AFF2: variants seen among roughly 807,000 people sequenced by gnomAD.
AFF2 encodes ALF transcription elongation factor 2, also known as AF4/FMR2 family member 2.
Under a neutral mutation model 76.9 loss-of-function variants are expected in AFF2, and 14 were observed. That is an observed-to-expected ratio of 0.18 (90% CI 0.12 to 0.28). AFF2 has a LOEUF of 0.28. Ranked by LOEUF, AFF2 falls within the 10% of genes least tolerant of loss-of-function variation. The probability of loss-of-function intolerance (pLI) is 1.00; values close to 1 mark genes in which losing one functional copy is unlikely to be tolerated. For synonymous variants in AFF2, 398 were observed against 366.7 expected (o/e 1.09, Z -0.98); for missense variants, 868 against 1,001.1 (o/e 0.87, Z 1.79).
chrX:148,932,676 A>AC (rs201044478), intron 9 of AFF2, among the ~76,000 whole-genome samples: 1,651 of 110,702 alleles, frequency 0.015, 31 homozygotes, highest in African/African-American at 0.05. Context: ...GAAGTACTCA[A>AC]CCCCCCTACC....
chrX:148,876,951 T>G (rs1372592), intron 7 of AFF2, among the ~76,000 whole-genome samples: 8,754 of 111,268 alleles, frequency 0.079, 427 homozygotes, highest in African/African-American at 0.18. Context: ...CAGGTTCTGT[T>G]GAGGAGTTTT....
intron 9 of AFF2, among the ~76,000 whole-genome samples, chrX:148,931,744 G>C (rs1557284431): frequency 1.8e-5 from 2 of 111,765 alleles, no homozygotes; most frequent in African/African-American, 6.5e-5. Flanking sequence ...GGGAAATTCT[G>C]ATTTTGACTG....
intron 3 of AFF2, among the ~76,000 whole-genome samples, chrX:148,741,303 G>T (rs1040428025): frequency 2.7e-5 from 3 of 110,773 alleles, no homozygotes; most frequent in African/African-American, 9.9e-5. Flanking sequence ...CCTTGGGTGG[G>T]TCTTCCTGTG....
intron 1 of AFF2, among the ~76,000 whole-genome samples, chrX:148,545,150 C>T: frequency 9.0e-6 from 1 of 111,081 alleles, no homozygotes; most frequent in Non-Finnish European, 1.9e-5. Context: ...GGTTTTCTAC[C>T]CCCTTCATTT....
intron 3 of AFF2, among the ~76,000 whole-genome samples, chrX:148,806,939 A>G (rs1242992065): frequency 8.9e-6 from 1 of 112,564 alleles, no homozygotes. Context: ...TGGTTGTCTT[A>G]CGGAGAAAAC....
intron 7 of AFF2, among the ~76,000 whole-genome samples, chrX:148,882,828 G>A (rs1356213130): frequency 1.8e-5 from 2 of 112,016 alleles, no homozygotes; most frequent in Non-Finnish European, 3.8e-5. Context: ...ATAGGTCAGG[G>A]AAGAAGTGGA....
intron 1 of AFF2, among the ~76,000 whole-genome samples, chrX:148,536,444 G>A (rs782767593): frequency 5.5e-4 from 61 of 110,990 alleles, no homozygotes; most frequent in African/African-American, 1.9e-3. Flanking sequence ...ATTGATAGCT[G>A]CCCAATTGAA....
intron 4 of AFF2, among the ~76,000 whole-genome samples, chrX:148,832,053 T>A (rs782216912): frequency 7.1e-5 from 8 of 112,574 alleles, no homozygotes; most frequent in African/African-American, 2.3e-4. Flanking sequence ...GACGGAAAGA[T>A]GCTGATGTTT....
intron 3 of AFF2, among the ~76,000 whole-genome samples, chrX:148,742,348 C>T (rs1447371043): frequency 8.9e-6 from 1 of 112,373 alleles, no homozygotes; most frequent in African/African-American, 3.2e-5. Flanking sequence ...GAAAATTATA[C>T]TTGATTGTGT....
chrX:148,779,023 A>G (rs1436937008), intron 3 of AFF2, among the ~76,000 whole-genome samples: 1 of 111,342 alleles, frequency 9.0e-6, no homozygotes, highest in African/African-American at 3.3e-5. Flanking sequence ...GCTGTGTCCC[A>G]GAGATTCTGG....
At chrX:148,602,675 G>A (rs1312840657) in intron 1 of AFF2, among the ~76,000 whole-genome samples, 2 of 111,008 alleles carry the variant, frequency 1.8e-5, no homozygotes, top group South Asian at 3.8e-4. Context: ...GCCATATAAC[G>A]AGAAGAGGCT....
chrX:148,646,467 T>G (rs2054144324), intron 1 of AFF2, among the ~76,000 whole-genome samples: 1 of 111,654 alleles, frequency 9.0e-6, no homozygotes, highest in Admixed American at 9.5e-5. Context: ...TGCTTCCATT[T>G]TCAGAAATGG....
intron 1 of AFF2, among the ~76,000 whole-genome samples, chrX:148,634,134 C>T (rs1204186393): frequency 5.4e-5 from 6 of 111,617 alleles, no homozygotes; most frequent in African/African-American, 1.3e-4. Flanking sequence ...GTTGTTTTCA[C>T]GCTCAATTTT....
intron 1 of AFF2, among the ~76,000 whole-genome samples, chrX:148,565,925 A>G (rs1026232097): frequency 1.8e-5 from 2 of 111,349 alleles, no homozygotes; most frequent in Admixed American, 1.9e-4. Flanking sequence ...TATATATATA[A>G]AATATACATG....
chrX:148,685,847 A>G (rs2054595898), intron 3 of AFF2, among the ~76,000 whole-genome samples: 1 of 110,412 alleles, frequency 9.1e-6, no homozygotes, highest in Non-Finnish European at 1.9e-5. Flanking sequence ...TTTGACATAG[A>G]ATGTGTCCAG....
intron 7 of AFF2, among the ~76,000 whole-genome samples, chrX:148,851,336 A>C (rs1299272685): frequency 5.3e-5 from 6 of 112,543 alleles, no homozygotes; most frequent in African/African-American, 1.9e-4. Context: ...GTGGACCAAA[A>C]AAGGAAAAGG....
At chrX:148,931,684 T>A (rs1042896592) in intron 9 of AFF2, among the ~76,000 whole-genome samples, 1 of 111,950 alleles carries the variant, frequency 8.9e-6, no homozygotes, top group Non-Finnish European at 1.9e-5. Flanking sequence ...CTGCTGTAGG[T>A]ATTATGTCAT....
chrX:148,953,821 A>T, intron 10 of AFF2, 82 bp downstream of exon 10: 1 of 710,386 alleles, frequency 1.4e-6, no homozygotes. Flanking sequence ...ACAGACACAC[A>T]CACACACACA....
chrX:148,614,733 C>T (rs369728260), intron 1 of AFF2, among the ~76,000 whole-genome samples: 776 of 49,124 alleles, frequency 0.016, 5 homozygotes, highest in South Asian at 0.02. Flanking sequence ...TTCTTTCTTT[C>T]CTTCTTTTCT....
Sources: allele counts gnomAD v4.1 joint callset (sites outside exome capture counted in the v4.1 genomes callset), GRCh38; gene constraint gnomAD v4.1.1; transcripts MANE v1.5; gene names NCBI Gene and HGNC (gene_info 2026-07-23, HGNC 2026-07-21).